The following SCFD2 variants were observed in gnomAD, a reference collection of about 807,000 sequenced individuals.
The protein encoded by SCFD2 is sec1 family domain containing 2, also known as sec1 family domain-containing protein 2.
In SCFD2, 54 loss-of-function variants were observed where a neutral mutation model predicts 58.9. That is an observed-to-expected ratio of 0.92 (90% CI 0.74 to 1.15). The LOEUF is 1.15. Ranked by LOEUF, SCFD2 falls within the 50% of genes most tolerant of loss-of-function variation. The probability of loss-of-function intolerance (pLI) is 0.00; values close to 1 mark genes in which losing one functional copy is unlikely to be tolerated. For missense variants in SCFD2, 805 were observed against 836.6 expected (o/e 0.96, Z 0.47); for synonymous variants, 321 against 335.9 (o/e 0.96, Z 0.49).
At chr4:53,169,801 T>C (rs1179948840) in intron 4 of SCFD2, among the ~76,000 whole-genome samples, 2 of 152,208 alleles carry the variant, frequency 1.3e-5, no homozygotes, top group African/African-American at 4.8e-5. Context: ...GGGGCATGTT[T>C]TTCATTTTCT....
chr4:52,911,601 A>T (rs1719488069), intron 6 of SCFD2, among the ~76,000 whole-genome samples: 1 of 152,240 alleles, frequency 6.6e-6, no homozygotes, highest in African/African-American at 2.4e-5. Flanking sequence ...CAGCAAACAC[A>T]TCACATAATC....
rs1431271228 is a variant in SCFD2 at position 53,363,801 on chromosome 4, T to C, written c.838+1303A>G. On this transcript the variant is annotated intron_variant, in intron 1 of 8. Coordinates refer to ENST00000401642, the MANE Select transcript of SCFD2 (RefSeq NM_152540.4). ...GAGATTGCGCCATTGCACTCCAGCC[T>C]GGGCGACAGAGAGAGACTCCGTCTC... Among the ~76,000 whole-genome samples, 3 of 121,702 alleles carry C rather than the reference T, an allele frequency of 2.5e-5. No individual in the cohort carries two copies. The East Asian group carries it at 7.4e-4, about 30-fold the overall frequency. The allele number at this position is 121,702 out of a possible 152,430, so 79.8% of individuals were successfully genotyped here. A position where few individuals can be genotyped will look rare whatever the true frequency, so the allele number is the denominator to read the frequency against.
At chr4:53,078,751 G>A (rs559904279) in intron 5 of SCFD2, among the ~76,000 whole-genome samples, 1 of 152,206 alleles carries the variant, frequency 6.6e-6, no homozygotes, top group Admixed American at 6.5e-5. Context: ...CATGTGATCT[G>A]ATTCCAATAT....
chr4:53,234,957 A>C (rs772672345), intron 4 of SCFD2, among the ~76,000 whole-genome samples: 1 of 152,254 alleles, frequency 6.6e-6, no homozygotes, highest in Admixed American at 6.5e-5. Context: ...TTCCACCATC[A>C]TGAGATAACC....
At chr4:53,328,912 G>A (rs1171716077) in intron 2 of SCFD2, among the ~76,000 whole-genome samples, 4 of 152,242 alleles carry the variant, frequency 2.6e-5, no homozygotes, top group African/African-American at 9.6e-5. Flanking sequence ...CCGAAGCAGG[G>A]CGAGGCATTG....
intron 4 of SCFD2, among the ~76,000 whole-genome samples, chr4:53,214,992 G>C (rs1320285774): frequency 3.3e-5 from 5 of 152,068 alleles, no homozygotes; most frequent in Admixed American, 6.6e-5. Context: ...TGAGGGCTCT[G>C]TTCTGTTCCA....
chr4:53,030,506 T>C (rs890552753), intron 5 of SCFD2, among the ~76,000 whole-genome samples: 12 of 151,876 alleles, frequency 7.9e-5, no homozygotes, highest in African/African-American at 2.9e-4. Context: ...CACTGCAACC[T>C]CTGCCTCCTG....
chr4:53,322,668 A>G (rs1162845957), intron 2 of SCFD2, among the ~76,000 whole-genome samples: 1 of 152,250 alleles, frequency 6.6e-6, no homozygotes, highest in African/African-American at 2.4e-5. Context: ...GGATTAACTC[A>G]GTATGAGGAT....
At chr4:53,116,618 G>A (rs145615247) in intron 5 of SCFD2, among the ~76,000 whole-genome samples, 1 of 152,306 alleles carries the variant, frequency 6.6e-6, no homozygotes, top group East Asian at 1.9e-4. Context: ...ACTTGCAGAG[G>A]TAAAGGAAGA....
At chr4:53,122,618 A>G (rs1458913361) in intron 5 of SCFD2, among the ~76,000 whole-genome samples, 3 of 152,196 alleles carry the variant, frequency 2.0e-5, no homozygotes, top group Admixed American at 6.6e-5. Flanking sequence ...AGACATAAAG[A>G]ACTCGGACTT....
At chr4:52,908,511 G>C (rs1428378345) in intron 6 of SCFD2, among the ~76,000 whole-genome samples, 1 of 152,174 alleles carries the variant, frequency 6.6e-6, no homozygotes, top group Non-Finnish European at 1.5e-5. Flanking sequence ...TATAGCTTCA[G>C]TAAAGCCAGT....
chr4:53,202,114 G>T (rs1002469515), intron 4 of SCFD2, among the ~76,000 whole-genome samples: 4 of 152,052 alleles, frequency 2.6e-5, no homozygotes, highest in African/African-American at 9.7e-5. Context: ...CCTATGTCCT[G>T]AATGGTATTG....
intron 4 of SCFD2, among the ~76,000 whole-genome samples, chr4:53,271,313 A>ACG (rs1553894778): frequency 4.1e-5 from 6 of 147,650 alleles, no homozygotes; most frequent in African/African-American, 1.2e-4. Context: ...ACACACACAC[A>ACG]CGCACACACA....
Position 52,927,889 on chromosome 4 carries a change from C to T in SCFD2, c.1562-7019G>A, listed in dbSNP as rs536144506. Among the ~76,000 whole-genome samples the T allele has an allele frequency of 2.9e-4, 44 of 152,244 alleles. No homozygotes were observed. In the South Asian group the frequency reaches 8.9e-3, roughly 31 times the overall value. On this transcript the variant is annotated intron_variant, in intron 5 of 8. Transcript: ENST00000401642. ...ACATAAATTATATCTATTATATATA[C>T]ACATATTTATTAGATGTATTACTAT... is the stretch of plus-strand genomic sequence containing the variant.
intron 5 of SCFD2, among the ~76,000 whole-genome samples, chr4:52,955,534 A>C (rs956060988): frequency 2.6e-5 from 4 of 152,172 alleles, no homozygotes; most frequent in Non-Finnish European, 5.9e-5. Flanking sequence ...CATGCGTGGG[A>C]ACTGAGGCAC....
At chr4:53,147,949 A>G (rs1726384164) in intron 4 of SCFD2, among the ~76,000 whole-genome samples, 2 of 152,198 alleles carry the variant, frequency 1.3e-5, no homozygotes, top group Non-Finnish European at 2.9e-5. Context: ...TAAGCTGCCA[A>G]AAGTAATTTA....
chr4:53,103,975 T>C (rs572593782), intron 5 of SCFD2, among the ~76,000 whole-genome samples: 2 of 151,048 alleles, frequency 1.3e-5, no homozygotes, highest in African/African-American at 4.9e-5. Flanking sequence ...CAGTCCATAC[T>C]GATATAAATA....
chr4:53,044,828 G>GTT (rs200573912), intron 5 of SCFD2, among the ~76,000 whole-genome samples: 19 of 134,048 alleles, frequency 1.4e-4, no homozygotes, highest in Middle Eastern at 3.7e-3. Flanking sequence ...GAGTATTTCT[G>GTT]TTTTTTTTTT....
At chr4:52,947,781 G>C (rs1216956056) in intron 5 of SCFD2, among the ~76,000 whole-genome samples, 1 of 150,432 alleles carries the variant, frequency 6.6e-6, no homozygotes, top group Non-Finnish European at 1.5e-5. Flanking sequence ...TACTAAATGT[G>C]AAAAGGCCAA....
Sources: gnomAD v4.1 joint callset for allele counts (sites outside exome capture counted in the v4.1 genomes callset) on GRCh38, gnomAD v4.1.1 for gene constraint, MANE v1.5 for transcripts, NCBI Gene and HGNC (gene_info 2026-07-23, HGNC 2026-07-21) for gene names.